The following USP14 variants were observed in gnomAD, a reference collection of about 807,000 sequenced individuals.
USP14 encodes ubiquitin specific peptidase 14.
Under a neutral mutation model 76.5 loss-of-function variants are expected in USP14, and 38 were observed. The observed-to-expected ratio is 0.50, with a 90% CI of 0.38 to 0.65. The LOEUF is 0.65. Ranked by LOEUF, USP14 falls within the 30% of genes least tolerant of loss-of-function variation. The pLI, the probability that USP14 is intolerant of heterozygous loss-of-function variation, is 0.00. For synonymous variants in USP14, 192 were observed against 191.7 expected, an observed-to-expected ratio of 1.00 and a Z score of -0.01; for missense variants, 467 against 586.5, an observed-to-expected ratio of 0.80 and a Z score of 2.10.
rs907087473 is a variant in USP14, at chr18:199,200, A to G, written c.762-2A>G. 1 of 1,603,972 alleles carries G rather than the reference A, an allele frequency of 6.2e-7. No individual in the cohort carries two copies. On this transcript the variant is annotated splice_acceptor_variant, in intron 9 of 15. Coordinates refer to ENST00000261601, the MANE Select transcript of USP14 (RefSeq NM_005151.4). LOFTEE classifies it high-confidence loss of function. The stretch of plus-strand genomic sequence containing the variant: ...GCATATTCCTTATCTTAGTTTACAA[A>G]GCATGAAATGTACAGAATCTGAAGA...
At chr18:198,906 A>G (rs1002704065) in intron 9 of USP14, among the ~76,000 whole-genome samples, 3 of 152,194 alleles carry the variant, frequency 2.0e-5, no homozygotes, top group Admixed American at 6.5e-5. Context: ...GAAACAATTT[A>G]TGTACCTTTG....
chr18:189,453 T>C (rs1490038670), intron 5 of USP14, among the ~76,000 whole-genome samples: 3 of 152,088 alleles, frequency 2.0e-5, no homozygotes, highest in African/African-American at 7.2e-5. Flanking sequence ...AAGTCTCTTA[T>C]CTTTTCCTTT....
intron 6 of USP14, 40 bp downstream of exon 6, chr18:192,940 A>G: frequency 6.5e-7 from 1 of 1,544,282 alleles, no homozygotes; most frequent in Non-Finnish European, 8.8e-7. Flanking sequence ...TAGGAGTAAG[A>G]CATTCTATTT....
rs1910661180 is a variant in USP14, at chr18:211,217, A to AT, written c.1419dup (p.Ile474TyrfsTer13). On this transcript the variant is annotated frameshift_variant, in exon 16 of 16. Transcript: ENST00000261601. LOFTEE classifies it high-confidence loss of function. ...CGGCTTTCTGGTGGTGGAGACTGGC[A>AT]TATCGCTTACGTTCTACTCTATGGG... 1 of 1,614,048 alleles carries AT rather than the reference A, an allele frequency of 6.2e-7. No individual in the cohort carries two copies. The highest frequency in any genetic ancestry group is 1.3e-5 in the African/African-American group (1 of 74,948).
chr18:187,957 A>G (rs1323739226), intron 5 of USP14, among the ~76,000 whole-genome samples: 2 of 152,210 alleles, frequency 1.3e-5, no homozygotes, highest in African/African-American at 4.8e-5. Context: ...TTCTAAATAG[A>G]TAATCAAATC....
intron 13 of USP14, among the ~76,000 whole-genome samples, chr18:207,891 G>A (rs891720507): frequency 6.6e-6 from 1 of 152,028 alleles, no homozygotes; most frequent in Non-Finnish European, 1.5e-5. Context: ...GGCTAGTAAA[G>A]CTAGCATATA....
chr18:166,277 T>A (rs485211), intron 2 of USP14, among the ~76,000 whole-genome samples: 1 of 152,174 alleles, frequency 6.6e-6, no homozygotes, highest in Admixed American at 6.5e-5. Flanking sequence ...TGTTACCTTA[T>A]GCAGTTGAAG....
rs1909798742 is a variant in USP14, at chr18:181,899, G to A, written c.404+1560G>A. On this transcript the variant is annotated intron_variant, in intron 5 of 15. Transcript: ENST00000261601. ...GGCCTGTGGTTAATTTTTATGTATG[G>A]TGGGAGGGAGGGAGGTATTTGCCTA... Among the ~76,000 whole-genome samples the A allele has an allele frequency of 2.6e-5, 4 of 152,070 alleles. No homozygotes were observed. In the South Asian group the frequency reaches 8.3e-4, roughly 32 times the overall value.
chr18:202,955 G>A lies in USP14; in HGVS notation c.942+10G>A. ...CTTGTATATCAAATCTGTAAGTTATGCAGTCCTTTCGAAGCCAAATTCCGC... is the reference window on the plus strand; with the variant it reads ...CTTGTATATCAAATCTGTAAGTTATACAGTCCTTTCGAAGCCAAATTCCGC... On this transcript the variant is annotated intron_variant, in intron 11 of 15. Transcript: ENST00000261601. The A allele has an allele frequency of 6.2e-7, 1 of 1,613,834 alleles. No homozygotes were observed. The highest frequency in any genetic ancestry group is 8.5e-7 in the Non-Finnish European group (1 of 1,179,874).
chr18:203,226 A>G, intron 12 of USP14, 36 bp downstream of exon 12: 1 of 1,559,384 alleles, frequency 6.4e-7, no homozygotes, highest in Non-Finnish European at 8.8e-7. Flanking sequence ...AAGAAATGTA[A>G]TTCTTTGAAG....
chr18:207,784 A>G (rs1324532068), intron 13 of USP14, among the ~76,000 whole-genome samples: 1 of 152,224 alleles, frequency 6.6e-6, no homozygotes, highest in Non-Finnish European at 1.5e-5. Context: ...TCAGTGTACA[A>G]GCCTTGGACA....
intron 13 of USP14, among the ~76,000 whole-genome samples, chr18:208,506 T>TG (rs1389768805): frequency 6.6e-6 from 1 of 152,180 alleles, no homozygotes; most frequent in African/African-American, 2.4e-5. Context: ...TCCTTTATTC[T>TG]GCTTGCCTTG....
rs758425480 is a variant in USP14 at position 214,258 on chromosome 18, G to GTGT, written c.*2976_*2978dup. On this transcript the variant is annotated 3_prime_UTR_variant, in exon 16 of 16. Coordinates refer to ENST00000261601, the MANE Select transcript of USP14 (RefSeq NM_005151.4). ...CAGAGCAGTCATATGGTTTCAGAAAGTGTTATTCTGGGATTTCAGGATAAA... is the reference window on the plus strand; with the variant it reads ...CAGAGCAGTCATATGGTTTCAGAAAGTGTTGTTATTCTGGGATTTCAGGATAAA... 7.7e-5 allele frequency: 15 copies of GTGT among 195,168 alleles called. No homozygotes were observed. Among genetic ancestry groups the GTGT allele is most frequent in the African/African-American group, 2.1e-4 (9 of 41,908 alleles). The allele number at this position is 195,168 out of a possible 1,614,324, so 12.1% of individuals were successfully genotyped here.
At chr18:165,787 G>C (rs1468291561) in intron 2 of USP14, among the ~76,000 whole-genome samples, 1 of 152,114 alleles carries the variant, frequency 6.6e-6, no homozygotes, top group Admixed American at 6.6e-5. Flanking sequence ...ATGTTTAGCA[G>C]TCATAGACCT....
At position 167,937 on chromosome 18, in the gene USP14, T is replaced by C. The variant is rs1217437441; in HGVS notation, c.195+1118T>C. 2.0e-4 allele frequency among the ~76,000 whole-genome samples: 29 copies of C among 146,934 alleles called. 1 individual carries two copies. In the South Asian group the frequency reaches 2.6e-3, roughly 13 times the overall value. On this transcript the variant is annotated intron_variant, in intron 3 of 15. Transcript: ENST00000261601. ...AAAATACAATTGATTTTTCTCTCTTTTTTTTTTTTTTTTTTTTGAGACAGA... is the reference window on the plus strand; with the variant it reads ...AAAATACAATTGATTTTTCTCTCTTCTTTTTTTTTTTTTTTTTGAGACAGA...
At chr18:197,768 A>G in intron 8 of USP14, 72 bp downstream of exon 8, 1 of 1,212,736 alleles carries the variant, frequency 8.2e-7, no homozygotes, top group Non-Finnish European at 1.2e-6. Context: ...TTTTCCCCTC[A>G]AAGGCTTAAA....
Position 210,377 on chromosome 18 carries a change from T to C in USP14, c.1226-9T>C, listed in dbSNP as rs1910638368. 1.8e-5 allele frequency: 29 copies of C among 1,574,788 alleles called. No homozygotes were observed. Among genetic ancestry groups the C allele is most frequent in the Non-Finnish European group, 2.5e-5 (29 of 1,154,870 alleles). On this transcript the variant is annotated splice_polypyrimidine_tract_variant and intron_variant, in intron 14 of 15. Coordinates refer to ENST00000261601, the MANE Select transcript of USP14 (RefSeq NM_005151.4). Reference sequence around the variant, plus strand: ...TGTCTAATATTAATGGATTTACATCTTTCTTTAGATATTGGCTCCAATAAT... The same window carrying C: ...TGTCTAATATTAATGGATTTACATCCTTCTTTAGATATTGGCTCCAATAAT...
At chr18:197,740 G>T (rs138654675) in intron 8 of USP14, 44 bp downstream of exon 8, 85 of 1,441,036 alleles carry the variant, frequency 5.9e-5, no homozygotes, top group Non-Finnish European at 7.2e-5. Context: ...GTTATACCTT[G>T]ATTTTTTTTT....
At chr18:186,628 C>G (rs1380839596) in intron 5 of USP14, among the ~76,000 whole-genome samples, 2 of 151,592 alleles carry the variant, frequency 1.3e-5, no homozygotes, top group Non-Finnish European at 2.9e-5. Flanking sequence ...TGGCAGGCGC[C>G]TATAATCCCA....
Sources: gnomAD v4.1 joint callset for allele counts (sites outside exome capture counted in the v4.1 genomes callset) on GRCh38, gnomAD v4.1.1 for gene constraint, MANE v1.5 for transcripts, NCBI Gene and HGNC (gene_info 2026-07-23, HGNC 2026-07-21) for gene names.